Variants in SAMD12 observed in about 807,000 individuals in gnomAD.
The protein encoded by SAMD12 is sterile alpha motif domain containing 12.
Under a neutral mutation model 15.0 loss-of-function variants are expected in SAMD12, and 9 were observed. The observed-to-expected ratio is 0.60, with a 90% CI of 0.36 to 1.05. SAMD12 has a LOEUF of 1.05. Among genes scored for constraint, SAMD12 ranks in the 50% least tolerant of loss-of-function variants. The pLI, the probability that SAMD12 is intolerant of heterozygous loss-of-function variation, is 0.01. For synonymous variants in SAMD12, 86 were observed against 90.1 expected (o/e 0.96, Z 0.25); for missense variants, 230 against 234.2 (o/e 0.98, Z 0.12).
intron 4 of SAMD12, among the ~76,000 whole-genome samples, chr8:118,362,261 A>G (rs1818538479): frequency 6.6e-6 from 1 of 152,212 alleles, no homozygotes; most frequent in Admixed American, 6.6e-5. Flanking sequence ...CTGATAGACC[A>G]AAATTATTAT....
At chr8:118,274,346 G>A (rs1377386895) in intron 4 of SAMD12, among the ~76,000 whole-genome samples, 1 of 152,146 alleles carries the variant, frequency 6.6e-6, no homozygotes, top group Non-Finnish European at 1.5e-5. Flanking sequence ...GGCAATTTTC[G>A]AGAAATGATG....
chr8:118,497,749 A>AG (rs1311475751), intron 2 of SAMD12, among the ~76,000 whole-genome samples: 1 of 151,542 alleles, frequency 6.6e-6, no homozygotes, highest in Admixed American at 6.6e-5. Flanking sequence ...GAAAGAAAAA[A>AG]AAAAAAGAAC....
intron 2 of SAMD12, among the ~76,000 whole-genome samples, chr8:118,447,389 T>G (rs146004442): frequency 0.024 from 3,624 of 151,840 alleles, 129 homozygotes; most frequent in African/African-American, 0.083. Flanking sequence ...TGCAACCTCT[T>G]CCTCCCAGGT....
intron 4 of SAMD12, among the ~76,000 whole-genome samples, chr8:118,258,549 T>G (rs1813005510): frequency 6.6e-6 from 1 of 152,142 alleles, no homozygotes; most frequent in South Asian, 2.1e-4. Flanking sequence ...AAAGAATATC[T>G]TATTGGCCTA....
chr8:118,284,380 G>T (rs980081475), intron 4 of SAMD12: 1 of 454,478 alleles, frequency 2.2e-6, no homozygotes, highest in Non-Finnish European at 4.4e-6. Context: ...AATTGGACAA[G>T]AATCAGAATA....
At chr8:118,606,981 G>A (rs932459865) in intron 1 of SAMD12, among the ~76,000 whole-genome samples, 1 of 152,100 alleles carries the variant, frequency 6.6e-6, no homozygotes, top group East Asian at 1.9e-4. Context: ...CTGGCTGGCT[G>A]GTGCACCCAA....
At chr8:118,556,713 C>T in intron 2 of SAMD12, among the ~76,000 whole-genome samples, 1 of 151,896 alleles carries the variant, frequency 6.6e-6, no homozygotes, top group East Asian at 1.9e-4. Flanking sequence ...GCCTGTAATC[C>T]CAGTACTTTG....
chr8:118,467,938 T>C (rs1422983219), intron 2 of SAMD12, among the ~76,000 whole-genome samples: 1 of 152,176 alleles, frequency 6.6e-6, no homozygotes, highest in Non-Finnish European at 1.5e-5. Context: ...TGCATAAAGA[T>C]GGGGACAATG....
rs576010938 is a variant in SAMD12 at position 118,364,227 on chromosome 8, T to G, written c.433+15333A>C. 2.0e-5 allele frequency among the ~76,000 whole-genome samples: 3 copies of G among 152,322 alleles called. No homozygotes were observed. In the East Asian group the frequency reaches 5.8e-4, roughly 29 times the overall value. On this transcript the variant is annotated intron_variant, in intron 4 of 4. Transcript: ENST00000409003. ...TGTAGAGTCTCTGTGTAAAGTAACT[T>G]GTTTATTATCCTTTGGGGGTTGCCT...
the SAMD12 span, among the ~76,000 whole-genome samples, chr8:118,181,192 A>G: frequency 3.2e-4 from 49 of 152,256 alleles, no homozygotes; most frequent in Middle Eastern, 3.4e-3. Context: ...CAGTTAAACT[A>G]TTGAAATTTT....
chr8:118,612,916 T>C (rs932741357), intron 1 of SAMD12, among the ~76,000 whole-genome samples: 34 of 152,198 alleles, frequency 2.2e-4, no homozygotes, highest in African/African-American at 7.2e-4. Context: ...TGGAGGAATT[T>C]CAATGCATTA....
intron 2 of SAMD12, among the ~76,000 whole-genome samples, chr8:118,568,116 G>A (rs745561011): frequency 6.6e-6 from 1 of 152,176 alleles, no homozygotes; most frequent in African/African-American, 2.4e-5. Context: ...GAAATTACAA[G>A]ACAGAATCAG....
chr8:118,281,123 G>A (rs1479162844), intron 4 of SAMD12, among the ~76,000 whole-genome samples: 1 of 152,104 alleles, frequency 6.6e-6, no homozygotes, highest in Non-Finnish European at 1.5e-5. Context: ...TATGGAAACC[G>A]AGACACATTT....
chr8:118,152,747 C>A, the SAMD12 span, among the ~76,000 whole-genome samples: 2 of 152,260 alleles, frequency 1.3e-5, no homozygotes, highest in East Asian at 3.9e-4. Context: ...AGTTCACCCC[C>A]CTCGGCCTCC....
At chr8:118,273,097 A>G (rs1317455141) in intron 4 of SAMD12, among the ~76,000 whole-genome samples, 1 of 152,198 alleles carries the variant, frequency 6.6e-6, no homozygotes, top group Non-Finnish European at 1.5e-5. Flanking sequence ...CATACCTGAG[A>G]CTGGGTAATT....
chr8:118,489,549 C>T (rs1824382718), intron 2 of SAMD12, among the ~76,000 whole-genome samples: 2 of 152,242 alleles, frequency 1.3e-5, no homozygotes, highest in South Asian at 4.1e-4. Context: ...AGCTTCTTCC[C>T]CCCTTAAAGA....
At chr8:118,580,562 T>C (rs964215925) in intron 2 of SAMD12, among the ~76,000 whole-genome samples, 153 bp downstream of exon 2, 3 of 152,198 alleles carry the variant, frequency 2.0e-5, no homozygotes, top group Non-Finnish European at 4.4e-5. Context: ...AATATTTTCA[T>C]TTATAATTAT....
intron 4 of SAMD12, among the ~76,000 whole-genome samples, chr8:118,342,325 C>T (rs1409948859): frequency 6.6e-6 from 1 of 151,506 alleles, no homozygotes; most frequent in Admixed American, 6.6e-5. Flanking sequence ...AGACTACTGA[C>T]ATATATTTGG....
intron 1 of SAMD12, among the ~76,000 whole-genome samples, chr8:118,604,773 T>A (rs1469559838): frequency 6.6e-6 from 1 of 150,674 alleles, no homozygotes; most frequent in Non-Finnish European, 1.5e-5. Flanking sequence ...TAAAAAAAAA[T>A]TAGGGGGGCG....
Sources: allele counts gnomAD v4.1 joint callset (sites outside exome capture counted in the v4.1 genomes callset), GRCh38; gene constraint gnomAD v4.1.1; transcripts MANE v1.5; gene names NCBI Gene and HGNC (gene_info 2026-07-23, HGNC 2026-07-21).